The following ZNF692 variants were observed in gnomAD, a reference collection of about 807,000 sequenced individuals.
ZNF692 encodes zinc finger protein 692, also known as AICAR responsive element binding protein.
In ZNF692, 41 loss-of-function variants were observed where a neutral mutation model predicts 49.0. The ratio of observed to expected loss-of-function variants is 0.84; its 90% confidence interval spans 0.65 to 1.08. The LOEUF (loss-of-function observed/expected upper bound fraction) is 1.08. ZNF692 is among the 50% of genes least tolerant of loss of function. ZNF692 has a pLI of 0.00. For synonymous variants in ZNF692, 288 were observed against 251.5 expected, an observed-to-expected ratio of 1.15 and a Z score of -1.37; for missense variants, 662 against 662.2, an observed-to-expected ratio of 1.00 and a Z score of 0.00.
rs1159352994 is a variant in ZNF692, at chr1:248,858,837, T to G, written c.-13+81A>C. The G allele has an allele frequency of 1.9e-6, 1 of 516,216 alleles. No homozygotes were observed. The highest frequency in any genetic ancestry group is 3.5e-6 in the Non-Finnish European group (1 of 283,346). The allele number at this position is 516,216 out of a possible 1,614,324, so 32.0% of individuals were successfully genotyped here. On this transcript the variant is annotated intron_variant, in intron 1 of 11. Transcript: ENST00000306601. This position sits in a 1 kb window ranked among gnomAD's most constrained non-coding sequence, Gnocchi z 4.3. ...GGGCACCCCCACTTAATGCTGACAG[T>G]GAGTGGAGCGGACTAATCCCAATGG...
At position 248,858,679 on chromosome 1, in the gene ZNF692, G is replaced by A; in HGVS notation, c.-13+239C>T. The A allele has an allele frequency of 3.4e-6, 3 of 886,350 alleles. No homozygotes were observed. Among genetic ancestry groups the A allele is most frequent in the East Asian group, 2.7e-5 (1 of 37,696 alleles). The allele number at this position is 886,350 out of a possible 1,614,324, so 54.9% of individuals were successfully genotyped here. ...CACATTTCATCTTGAATAGGGCAGC[G>A]GCCTTTACTGGTTTCTAGGGGAAGG... On this transcript the variant is annotated intron_variant, in intron 1 of 11. Coordinates refer to ENST00000306601, the MANE Select transcript of ZNF692 (RefSeq NM_017865.4). This position sits in a 1 kb window ranked among gnomAD's most constrained non-coding sequence, Gnocchi z 4.3.
intron 4 of ZNF692, 107 bp from the exon 5 acceptor site, chr1:248,856,669 A>G (rs61837559): frequency 7.2e-7 from 1 of 1,384,656 alleles, no homozygotes; most frequent in Non-Finnish European, 1.0e-6. Context: ...TTTTTTTTAA[A>G]TAGAGACGGG....
intron 10 of ZNF692, 142 bp from the exon 11 acceptor site, chr1:248,850,923 T>C (rs1056369734): frequency 2.6e-6 from 2 of 783,186 alleles, no homozygotes; most frequent in African/African-American, 1.8e-5. Flanking sequence ...ATCCAAATCA[T>C]GGAGCCCGTC....
Position 248,850,357 on chromosome 1 carries a change from G to T in ZNF692, c.1413C>A (p.His471Gln), listed in dbSNP as rs761048028. 1 of 1,614,116 alleles carries T rather than the reference G, an allele frequency of 6.2e-7. No homozygotes were observed. The highest frequency in any genetic ancestry group is 8.5e-7 in the Non-Finnish European group (1 of 1,180,022). Residue 471 changes from histidine to glutamine, a missense_variant, in exon 12 of 12, where the codon CAC becomes CAA. His to Gln is a conservative substitution (Grantham distance 24). Coordinates refer to ENST00000306601, the MANE Select transcript of ZNF692 (RefSeq NM_017865.4). ...CTTGAGGGGCTAGAAGCAGGGCTGG[G>T]TGACTTTTGCTACGGTGGGCTGCAA... Reference protein sequence around the residue: ...DSVAAHRSKSHPALLLAPQES... With the variant: ...DSVAAHRSKSQPALLLAPQES...
Position 248,858,788 on chromosome 1 carries a change from G to A in ZNF692, c.-13+130C>T. 1 of 592,088 alleles carries A rather than the reference G, an allele frequency of 1.7e-6. No homozygotes were observed. The highest frequency in any genetic ancestry group is 3.0e-6 in the Non-Finnish European group (1 of 331,248). The allele number at this position is 592,088 out of a possible 1,614,324, so 36.7% of individuals were successfully genotyped here. A position where few individuals can be genotyped will look rare whatever the true frequency, so the allele number is the denominator to read the frequency against. On this transcript the variant is annotated intron_variant, in intron 1 of 11. Coordinates refer to ENST00000306601, the MANE Select transcript of ZNF692 (RefSeq NM_017865.4). This position sits in a 1 kb window ranked among gnomAD's most constrained non-coding sequence, Gnocchi z 4.3. ...TGAGGCCGTGGTCAGAGGTCTGGAG[G>A]GCGCCCCCCATCCACCCCGTCTTGG...
chr1:248,854,818 T>A lies in ZNF692; in HGVS notation c.1038+562A>T, dbSNP rs116938861. 2.8e-3 allele frequency among the ~76,000 whole-genome samples: 425 copies of A among 152,276 alleles called. 14 individuals are homozygous for A. In the East Asian group the frequency reaches 0.071, roughly 25 times the overall value. Reference sequence around the variant, plus strand: ...CTCTTCTCAGCCTAGAGCTTCCCTGTCATCCCGGGTCATTTTCCCTTTTCA... The same window carrying A: ...CTCTTCTCAGCCTAGAGCTTCCCTGACATCCCGGGTCATTTTCCCTTTTCA... On this transcript the variant is annotated intron_variant, in intron 9 of 11. Transcript: ENST00000306601.
chr1:248,855,606 G>A lies in ZNF692; in HGVS notation c.911C>T (p.Thr304Ile), dbSNP rs1660133058. ...TGCAGTGTCCTCATCCCAGGCCGGG[G>A]TTGGAGCAGACTGGGCCTGACTCCC... The part of the protein sequence containing the change: ...STGSQAQSAP[T>I]PAWDEDTAQI... The change falls in exon 8 of 12, where the codon ACC becomes ATC. Residue 304 changes from threonine (T) to isoleucine (I), a missense_variant. Physicochemically the swap from Thr to Ile is moderately conservative, Grantham distance 89 (BLOSUM62 -1). Coordinates refer to ENST00000306601, the MANE Select transcript of ZNF692 (RefSeq NM_017865.4). 6.2e-7 allele frequency: 1 copy of A among 1,614,216 alleles called. No individual in the cohort carries two copies. The highest frequency in any genetic ancestry group is 1.1e-5 in the South Asian group (1 of 91,082).
intron 2 of ZNF692, 25 bp from the exon 3 acceptor site, chr1:248,857,884 C>T (rs1660424524): frequency 6.2e-7 from 1 of 1,612,436 alleles, no homozygotes; most frequent in African/African-American, 1.3e-5. Flanking sequence ...AGAGGCAGGT[C>T]AGGACTCAGG....
In ZNF692 at chr1:248,859,049, C is replaced by A. The variant is rs1003296371; in HGVS notation, c.-144G>T. The A allele has an allele frequency of 6.5e-6, 1 of 153,820 alleles. No individual in the cohort carries two copies. Among genetic ancestry groups the A allele is most frequent in the Non-Finnish European group, 1.5e-5 (1 of 68,814 alleles). The allele number at this position is 153,820 out of a possible 1,614,324, so 9.5% of individuals were successfully genotyped here. On this transcript the variant is annotated 5_prime_UTR_variant, in exon 1 of 12. Coordinates refer to ENST00000306601, the MANE Select transcript of ZNF692 (RefSeq NM_017865.4). ...GCAGCGTTTCTCTTTTAAGAAGAAA[C>A]GGTGCCTCTCGGCGTCGGCTGCTGT...
rs375582238 is a variant in ZNF692 at position 248,854,076 on chromosome 1, G to A, written c.1039-25C>T. 4.4e-6 allele frequency: 7 copies of A among 1,577,384 alleles called. No individual in the cohort carries two copies. The South Asian group carries it at 7.8e-5, about 17-fold the overall frequency. The stretch of plus-strand genomic sequence containing the variant: ...GCTAGAGAAGGAAGTGGGTGGTAGG[G>A]AGAGAAGAGGCAAAAGGATAGCCAC... On this transcript the variant is annotated intron_variant, in intron 9 of 11. Transcript: ENST00000306601.
intron 4 of ZNF692, 94 bp from the exon 5 acceptor site, chr1:248,856,656 C>CTT: frequency 2.8e-5 from 36 of 1,303,802 alleles, no homozygotes; most frequent in Non-Finnish European, 3.3e-5. Context: ...GGAGACTCCT[C>CTT]TTTTTTTTTT....
At chr1:248,856,645 G>T in intron 4 of ZNF692, 83 bp from the exon 5 acceptor site, 1 of 1,537,938 alleles carries the variant, frequency 6.5e-7, no homozygotes, top group South Asian at 1.1e-5. Flanking sequence ...CTGAAGTGAT[G>T]GGAGACTCCT....
At position 248,858,007 on chromosome 1, in the gene ZNF692, C is replaced by T; in HGVS notation, c.179+124G>A. 1 of 1,546,054 alleles carries T rather than the reference C, an allele frequency of 6.5e-7. No individual in the cohort carries two copies. The highest frequency in any genetic ancestry group is 1.2e-5 in the South Asian group (1 of 85,200). On this transcript the variant is annotated intron_variant, in intron 2 of 11. Coordinates refer to ENST00000306601, the MANE Select transcript of ZNF692 (RefSeq NM_017865.4). This position sits in a 1 kb window ranked among gnomAD's most constrained non-coding sequence, Gnocchi z 4.3. ...CAGGACCCTCGGAGGCCACAAGTCA[C>T]ACAGGCCGTCCTGGTAAAGTGAGAA...
chr1:248,856,221 G>A, intron 6 of ZNF692, 67 bp downstream of exon 6: 2 of 1,528,760 alleles, frequency 1.3e-6, no homozygotes, highest in Non-Finnish European at 1.8e-6. Context: ...AGTCTGCAAA[G>A]CCATGAACTG....
chr1:248,852,445 C>T (rs978873193), intron 10 of ZNF692, among the ~76,000 whole-genome samples: 1 of 152,126 alleles, frequency 6.6e-6, no homozygotes, highest in Admixed American at 6.6e-5. Flanking sequence ...ACTTGAGGTC[C>T]CCCACCCCAC....
chr1:248,854,414 T>G (rs1212074938), intron 9 of ZNF692: 1 of 197,214 alleles, frequency 5.1e-6, no homozygotes, highest in Non-Finnish European at 1.0e-5. Context: ...CACTATCTGC[T>G]GCAGAGGGGA....
At chr1:248,853,267 G>C (rs1659816957) in intron 10 of ZNF692, among the ~76,000 whole-genome samples, 1 of 152,128 alleles carries the variant, frequency 6.6e-6, no homozygotes, top group Non-Finnish European at 1.5e-5. Flanking sequence ...TCTCACAGTT[G>C]AGTGCCTGGT....
At chr1:248,857,626 C>T (rs1479693873) in intron 3 of ZNF692, 129 bp from the exon 4 acceptor site, 3 of 1,482,834 alleles carry the variant, frequency 2.0e-6, no homozygotes, top group Non-Finnish European at 2.7e-6. Flanking sequence ...ATTTATCATT[C>T]TTCAGAACCT....
Position 248,855,386 on chromosome 1 carries a change from A to G in ZNF692, c.1032T>C (p.Tyr344=), listed in dbSNP as rs1211981695. 2 of 1,613,908 alleles carry G rather than the reference A, an allele frequency of 1.2e-6. No homozygotes were observed. The highest frequency in any genetic ancestry group is 2.7e-5 in the African/African-American group (2 of 74,854). The part of the protein sequence containing the change: ...GCGRIFSNRQ[Y]LNHHKKYQHI... ...CCCAACCTGTGCCCCTCACATTCAA[A>G]TACTGCCGGTTGGAGAAGATCCTTC... is the stretch of plus-strand genomic sequence containing the variant. The change falls in exon 9 of 12, where the codon TAT becomes TAC. Residue 344 remains tyrosine (Y), a synonymous_variant. Transcript: ENST00000306601.
Sources: gnomAD v4.1 joint callset for allele counts (sites outside exome capture counted in the v4.1 genomes callset) on GRCh38, gnomAD v4.1.1 for gene constraint, Gnocchi (gnomAD v3.1) non-coding constraint, MANE v1.5 for transcripts, NCBI Gene and HGNC (gene_info 2026-07-23, HGNC 2026-07-21) for gene names.